Variants in FDX1 observed in about 807,000 individuals in gnomAD.
FDX1 encodes ferredoxin 1, also known as adrenodoxin, mitochondrial.
In FDX1, 9 loss-of-function variants were observed where a neutral mutation model predicts 14.9. The observed-to-expected ratio is 0.60, with a 90% CI of 0.36 to 1.05. The LOEUF (loss-of-function observed/expected upper bound fraction) is 1.05, where lower values mean the gene tolerates loss of function less well. Among genes scored for constraint, FDX1 ranks in the 50% least tolerant of loss-of-function variants. The pLI is 0.01. For missense variants in FDX1, 204 were observed against 237.2 expected, an observed-to-expected ratio of 0.86 and a Z score of 0.92; for synonymous variants, 92 against 99.4, an observed-to-expected ratio of 0.93 and a Z score of 0.44.
chr11:110,444,730 A>ATATATATATACG (rs1946436780), intron 2 of FDX1, among the ~76,000 whole-genome samples: 5 of 65,956 alleles, frequency 7.6e-5, no homozygotes, highest in Non-Finnish European at 1.4e-4. Context: ...ATACGTATAT[A>ATATATATATACG]TATATATATA....
chr11:110,455,048 C>G (rs1432442851), intron 2 of FDX1, among the ~76,000 whole-genome samples: 1 of 152,090 alleles, frequency 6.6e-6, no homozygotes, highest in African/African-American at 2.4e-5. Context: ...ACTCTGTCGC[C>G]CAGGCTGGAG....
chr11:110,436,748 A>G (rs1357705755), intron 2 of FDX1, among the ~76,000 whole-genome samples: 1 of 152,112 alleles, frequency 6.6e-6, no homozygotes, highest in Non-Finnish European at 1.5e-5. Context: ...CTTTCAAGGC[A>G]CTGTTCACAT....
chr11:110,430,368 C>T lies in FDX1; in HGVS notation c.185+63C>T, dbSNP rs1444151287. ...GGGGTCCCCGGTGGGTGGCGCCTGG[C>T]TCTCTGGGCCGAGTCTCTGGTTCCA... is the stretch of plus-strand genomic sequence containing the variant. On this transcript the variant is annotated intron_variant, in intron 1 of 3. Coordinates refer to ENST00000260270, the MANE Select transcript of FDX1 (RefSeq NM_004109.5). 8.3e-6 allele frequency: 9 copies of T among 1,084,820 alleles called. No homozygotes were observed. The African/African-American group carries it at 1.3e-4, about 16-fold the overall frequency. 67.2% of individuals were successfully genotyped at this position (1,084,820 alleles called of 1,614,324 possible). A position where few individuals can be genotyped will look rare whatever the true frequency, so the allele number is the denominator to read the frequency against.
intron 1 of FDX1, 96 bp from the exon 2 acceptor site, chr11:110,435,738 C>A: frequency 1.1e-6 from 1 of 877,442 alleles, no homozygotes. Flanking sequence ...ACCTGTATTC[C>A]CATCTACTCT....
At chr11:110,447,953 G>A (rs1379293396) in intron 2 of FDX1, among the ~76,000 whole-genome samples, 2 of 152,250 alleles carry the variant, frequency 1.3e-5, no homozygotes, top group East Asian at 1.9e-4. Flanking sequence ...CATTGTATAC[G>A]AAATGAAGTA....
upstream of FDX1, chr11:110,429,887 G>A (rs1946316702): frequency 9.1e-6 from 3 of 329,164 alleles, no homozygotes; most frequent in Non-Finnish European, 1.6e-5. Flanking sequence ...CGGCGTGGGC[G>A]TGAGAGGCGG....
intron 2 of FDX1, among the ~76,000 whole-genome samples, chr11:110,437,363 C>T (rs907524171): frequency 2.6e-5 from 4 of 152,138 alleles, no homozygotes; most frequent in African/African-American, 9.7e-5. Flanking sequence ...TGAGTGTATA[C>T]TATATTCTAG....
intron 2 of FDX1, among the ~76,000 whole-genome samples, chr11:110,448,021 T>G (rs1034338936): frequency 2.0e-5 from 3 of 152,244 alleles, no homozygotes; most frequent in Non-Finnish European, 4.4e-5. Flanking sequence ...AGTTCAAACT[T>G]ATAAACATTC....
At chr11:110,444,797 C>T (rs2134683701) in intron 2 of FDX1, among the ~76,000 whole-genome samples, 2 of 145,212 alleles carry the variant, frequency 1.4e-5, no homozygotes, top group South Asian at 2.2e-4. Flanking sequence ...CTGCCTCACT[C>T]TGGGCACACT....
chr11:110,437,991 G>A (rs186451236), intron 2 of FDX1, among the ~76,000 whole-genome samples: 80 of 152,296 alleles, frequency 5.3e-4, no homozygotes, highest in South Asian at 1.0e-3. Flanking sequence ...TGCATATTCC[G>A]TGGTATATGT....
At chr11:110,443,475 T>C (rs1946419085) in intron 2 of FDX1, among the ~76,000 whole-genome samples, 1 of 151,198 alleles carries the variant, frequency 6.6e-6, no homozygotes, top group African/African-American at 2.4e-5. Flanking sequence ...AGTTTTGCTC[T>C]TTTTGCCCAG....
intron 2 of FDX1, among the ~76,000 whole-genome samples, chr11:110,447,285 A>ACCC (rs1565382742): frequency 1.3e-5 from 1 of 76,536 alleles, no homozygotes; most frequent in African/African-American, 5.0e-5. Context: ...AAAAAAAAAA[A>ACCC]AAAAAAAAAA....
intron 3 of FDX1, among the ~76,000 whole-genome samples, chr11:110,458,581 GTTTT>G (rs971943456): frequency 6.6e-6 from 1 of 151,636 alleles, no homozygotes; most frequent in Non-Finnish European, 1.5e-5. Context: ...CTATGTAAAT[GTTTT>G]TAATTTTTAA....
In FDX1 at chr11:110,463,318, A is replaced by C. The variant is rs1046895372; in HGVS notation, c.*850A>C. 2.6e-5 allele frequency: 4 copies of C among 152,370 alleles called. No individual in the cohort carries two copies. The highest frequency in any genetic ancestry group is 4.4e-5 in the Non-Finnish European group (3 of 68,038). The allele number at this position is 152,370 out of a possible 1,614,324, so 9.4% of individuals were successfully genotyped here. ...GGGAATGAGCAGGCTGACACGTTGC[A>C]CAGCCCCAGGTGGCGCCATTCTCTC... On this transcript the variant is annotated 3_prime_UTR_variant, in exon 4 of 4. Transcript: ENST00000260270.
At chr11:110,452,252 AT>A (rs1201295316) in intron 2 of FDX1, among the ~76,000 whole-genome samples, 1 of 152,052 alleles carries the variant, frequency 6.6e-6, no homozygotes, top group East Asian at 1.9e-4. Flanking sequence ...GTTCATCAAA[AT>A]TAAAAACTTT....
chr11:110,453,691 T>C (rs960947756), intron 2 of FDX1, among the ~76,000 whole-genome samples: 3 of 152,102 alleles, frequency 2.0e-5, no homozygotes, highest in Non-Finnish European at 2.9e-5. Flanking sequence ...TGTCTTCTTA[T>C]GGATTTTTGA....
At chr11:110,438,010 T>G (rs565416235) in intron 2 of FDX1, among the ~76,000 whole-genome samples, 94 of 152,364 alleles carry the variant, frequency 6.2e-4, no homozygotes, top group Non-Finnish European at 1.0e-3. Flanking sequence ...GTGTATTACA[T>G]TTTCTTTATC....
At chr11:110,432,999 A>G (rs530006750) in intron 1 of FDX1, among the ~76,000 whole-genome samples, 3 of 152,276 alleles carry the variant, frequency 2.0e-5, no homozygotes, top group South Asian at 4.1e-4. Flanking sequence ...GAATTCTACT[A>G]TGTGTTACGT....
chr11:110,437,927 C>T (rs1946381306), intron 2 of FDX1, among the ~76,000 whole-genome samples: 1 of 152,190 alleles, frequency 6.6e-6, no homozygotes, highest in Non-Finnish European at 1.5e-5. Context: ...GGGATAATGG[C>T]CTTGAGCTGT....
Sources: gnomAD v4.1 joint callset for allele counts (sites outside exome capture counted in the v4.1 genomes callset) on GRCh38, gnomAD v4.1.1 for gene constraint, MANE v1.5 for transcripts, NCBI Gene and HGNC (gene_info 2026-07-23, HGNC 2026-07-21) for gene names.